NEURL1: variants seen among roughly 807,000 people sequenced by gnomAD.
NEURL1 encodes neuralized E3 ubiquitin protein ligase 1.
A neutral mutation model predicts 41.2 loss-of-function variants in NEURL1; 26 were observed. The observed-to-expected ratio is 0.63, with a 90% CI of 0.46 to 0.87. The LOEUF is 0.87. Among genes scored for constraint, NEURL1 ranks in the 40% least tolerant of loss-of-function variants. The pLI, the probability that NEURL1 is intolerant of heterozygous loss-of-function variation, is 0.00. For synonymous variants in NEURL1, 400 were observed against 402.3 expected, an observed-to-expected ratio of 0.99 and a Z score of 0.07; for missense variants, 761 against 871.1, an observed-to-expected ratio of 0.87 and a Z score of 1.59.
At chr10:103,532,375 T>A (rs1000240432) in intron 1 of NEURL1, among the ~76,000 whole-genome samples, 6 of 152,218 alleles carry the variant, frequency 3.9e-5, no homozygotes, top group African/African-American at 1.4e-4. Context: ...TACACTTTTA[T>A]GTGTTTTCAT....
chr10:103,589,036 G>A, intron 4 of NEURL1: 1 of 408,338 alleles, frequency 2.4e-6, no homozygotes. Flanking sequence ...GGGAAAAAGT[G>A]AAGGCACTGC....
intron 4 of NEURL1, 104 bp downstream of exon 4, chr10:103,585,329 T>C (rs2133885485): frequency 1.9e-6 from 2 of 1,075,542 alleles, no homozygotes; most frequent in Admixed American, 6.2e-5. Context: ...CTCATGATGG[T>C]GTTGCTAAGG....
chr10:103,514,717 C>T (rs2034158409), intron 1 of NEURL1, among the ~76,000 whole-genome samples: 1 of 152,156 alleles, frequency 6.6e-6, no homozygotes. Context: ...CACTTATTAA[C>T]TAGGCTATTA....
chr10:103,584,274 T>G (rs923452343), intron 3 of NEURL1, among the ~76,000 whole-genome samples: 1 of 152,222 alleles, frequency 6.6e-6, no homozygotes, highest in Non-Finnish European at 1.5e-5. Flanking sequence ...AGTACACATA[T>G]GCATATAGCA....
intron 1 of NEURL1, among the ~76,000 whole-genome samples, chr10:103,555,032 AAGCCTCCAGTCTCCTCCTCCTT>A (rs1274166893): frequency 2.6e-5 from 4 of 152,082 alleles, no homozygotes; most frequent in Non-Finnish European, 5.9e-5. Flanking sequence ...CTATTTCAGG[AAGCCTCCAGTCTCCTCCTCCTT>A]ATGTAAATAA....
At chr10:103,544,005 G>A (rs2034874978) in intron 1 of NEURL1, among the ~76,000 whole-genome samples, 1 of 152,216 alleles carries the variant, frequency 6.6e-6, no homozygotes, top group Non-Finnish European at 1.5e-5. Flanking sequence ...CCCAAAGTGG[G>A]GGTCGAGTTT....
chr10:103,578,868 C>T (rs922643814), intron 3 of NEURL1, among the ~76,000 whole-genome samples: 6 of 152,220 alleles, frequency 3.9e-5, no homozygotes, highest in Non-Finnish European at 7.3e-5. Context: ...GTGCCAGATG[C>T]GGACCAGCAG....
intron 1 of NEURL1, among the ~76,000 whole-genome samples, chr10:103,560,008 C>G (rs760047916): frequency 6.6e-6 from 1 of 151,946 alleles, no homozygotes; most frequent in Non-Finnish European, 1.5e-5. Flanking sequence ...AATGCACGCA[C>G]ACATGCACAC....
intron 3 of NEURL1, among the ~76,000 whole-genome samples, chr10:103,573,800 A>C (rs1159456291): frequency 2.0e-5 from 3 of 152,142 alleles, no homozygotes; most frequent in African/African-American, 7.2e-5. Flanking sequence ...CTAAGCAAAA[A>C]GTGGCCTCCC....
intron 1 of NEURL1, chr10:103,550,947 TA>T (rs2035019835): frequency 1.3e-5 from 2 of 152,252 alleles, no homozygotes; most frequent in South Asian, 4.1e-4. Flanking sequence ...AAGCGATCAA[TA>T]AATGGTAGCA....
At chr10:103,512,001 A>G (rs2281859) in intron 1 of NEURL1, 83,558 of 152,182 alleles carry the variant, frequency 0.55, 25,274 homozygotes, top group African/African-American at 0.81. Flanking sequence ...CAGGCTCTGG[A>G]GCCCAGACAA....
In NEURL1 at chr10:103,570,906, C is replaced by T. The variant is rs746694403; in HGVS notation, c.120C>T (p.His40=). 5.9e-5 allele frequency: 96 copies of T among 1,613,684 alleles called. 1 individual carries two copies. In the South Asian group the frequency reaches 9.8e-4, roughly 16 times the overall value. The stretch of plus-strand genomic sequence containing the variant: ...GGGGCCCCTTCCCCGTCACTTCTCA[C>T]CGATGCCACCACAAGCAGAAGCACT... The part of the protein sequence containing the change: ...SIGGPFPVTS[H]RCHHKQKHCP... Residue 40 remains histidine, a synonymous_variant, in exon 2 of 6, where the codon CAC becomes CAT. Coordinates refer to ENST00000369780, the MANE Select transcript of NEURL1 (RefSeq NM_004210.5).
chr10:103,585,052 TGCCCGG>T lies in NEURL1; in HGVS notation c.1171_1176del (p.Gly391_Pro392del). On this transcript the variant is annotated inframe_deletion, in exon 4 of 6. Coordinates refer to ENST00000369780, the MANE Select transcript of NEURL1 (RefSeq NM_004210.5). ...AAGGAATTCTGGGCCGTGTGCCGCG[TGCCCGG>T]GCCCCTGCACAGCGGCGACATCCTG... The T allele has an allele frequency of 1.3e-6, 2 of 1,589,670 alleles. No individual in the cohort carries two copies. Among genetic ancestry groups the T allele is most frequent in the Non-Finnish European group, 1.7e-6 (2 of 1,176,048 alleles).
At chr10:103,524,183 A>G (rs113330562) in intron 1 of NEURL1, among the ~76,000 whole-genome samples, 7 of 152,220 alleles carry the variant, frequency 4.6e-5, no homozygotes, top group African/African-American at 1.7e-4. Context: ...CATATCCCTG[A>G]TGGTTAGTGA....
chr10:103,529,462 T>C (rs1437836687), intron 1 of NEURL1, among the ~76,000 whole-genome samples: 1 of 152,188 alleles, frequency 6.6e-6, no homozygotes, highest in Non-Finnish European at 1.5e-5. Flanking sequence ...AGGGACTGTG[T>C]AGACAAGATA....
At chr10:103,526,956 T>C (rs1185574563) in intron 1 of NEURL1, among the ~76,000 whole-genome samples, 1 of 152,100 alleles carries the variant, frequency 6.6e-6, no homozygotes, top group East Asian at 1.9e-4. Context: ...AAAAGCAAGT[T>C]TATTAGAGAA....
chr10:103,506,035 T>C (rs560237094), intron 1 of NEURL1, among the ~76,000 whole-genome samples: 1 of 152,316 alleles, frequency 6.6e-6, no homozygotes, highest in Admixed American at 6.5e-5. Context: ...TCTGCTGGCT[T>C]ACCCAGATGG....
intron 4 of NEURL1, 49 bp downstream of exon 4, chr10:103,585,274 G>A (rs2035895177): frequency 1.4e-6 from 2 of 1,416,686 alleles, no homozygotes; most frequent in South Asian, 1.4e-5. Context: ...TGGAGGCGGG[G>A]ACGATCCGGG....
intron 1 of NEURL1, among the ~76,000 whole-genome samples, chr10:103,535,301 A>T (rs2034668051): frequency 6.6e-6 from 1 of 152,118 alleles, no homozygotes; most frequent in Non-Finnish European, 1.5e-5. Context: ...GCTCTGGGGC[A>T]ACAGAGTACT....
Sources: gnomAD v4.1 joint callset for allele counts (sites outside exome capture counted in the v4.1 genomes callset) on GRCh38, gnomAD v4.1.1 for gene constraint, MANE v1.5 for transcripts, NCBI Gene and HGNC (gene_info 2026-07-23, HGNC 2026-07-21) for gene names.